Variants in CLIC5 observed in about 807,000 individuals in gnomAD.
CLIC5 encodes the protein CLIC family member 5, also known as chloride intracellular channel protein 5.
A neutral mutation model predicts 24.7 loss-of-function variants in CLIC5; 20 were observed. That is an observed-to-expected ratio of 0.81 (90% CI 0.57 to 1.18). The LOEUF is 1.18. Among genes scored for constraint, CLIC5 ranks in the 50% most tolerant of loss-of-function variants. The pLI, the probability that CLIC5 is intolerant of heterozygous loss-of-function variation, is 0.00. For missense variants in CLIC5, 341 were observed against 326.1 expected (o/e 1.05, Z -0.35); for synonymous variants, 159 against 135.6 (o/e 1.17, Z -1.20).
At chr6:45,996,989 C>A (rs1766167090) in intron 1 of CLIC5, among the ~76,000 whole-genome samples, 4 of 152,194 alleles carry the variant, frequency 2.6e-5, no homozygotes, top group Admixed American at 6.5e-5. Context: ...TTTGACCCAG[C>A]CATCCCATTA....
In CLIC5 at chr6:45,936,455, T is replaced by C. The variant is rs373240589; in HGVS notation, c.406+5092A>G. 3.3e-5 allele frequency among the ~76,000 whole-genome samples: 5 copies of C among 152,212 alleles called. No homozygotes were observed. In the East Asian group the frequency reaches 9.7e-4, roughly 30 times the overall value. ...CCCAACCTCCGGTCATCTGCCTGCC[T>C]TGGCCTCCCAAAGTGCTGGGATTAC... On this transcript the variant is annotated intron_variant, in intron 4 of 5. Transcript: ENST00000339561.
chr6:45,975,897 C>T (rs1292740868), intron 1 of CLIC5, among the ~76,000 whole-genome samples: 1 of 152,106 alleles, frequency 6.6e-6, no homozygotes, highest in East Asian at 1.9e-4. Context: ...GCCTATTTCT[C>T]TATGTTATAT....
chr6:46,118,502 G>A, the CLIC5 span, among the ~76,000 whole-genome samples: 3 of 152,132 alleles, frequency 2.0e-5, no homozygotes, highest in Non-Finnish European at 2.9e-5. Flanking sequence ...ACATATAGAC[G>A]CCTTTCTCCC....
the CLIC5 span, among the ~76,000 whole-genome samples, chr6:46,105,375 G>A: frequency 6.6e-6 from 1 of 152,084 alleles, no homozygotes; most frequent in African/African-American, 2.4e-5. Flanking sequence ...CAATATTCAA[G>A]CTATATATAC....
At chr6:46,108,424 T>C in the CLIC5 span, among the ~76,000 whole-genome samples, 2 of 143,360 alleles carry the variant, frequency 1.4e-5, no homozygotes, top group African/African-American at 2.6e-5. Flanking sequence ...GAGATGGAGT[T>C]TCATTCTTGT....
At chr6:46,079,659 A>T in intron 1 of CLIC5, 9 of 1,475,272 alleles carry the variant, frequency 6.1e-6, no homozygotes, top group Non-Finnish European at 8.2e-6. Context: ...CACCAGCCAT[A>T]ATATCTGCAT....
the CLIC5 span, among the ~76,000 whole-genome samples, chr6:46,089,335 T>G: frequency 6.6e-6 from 1 of 152,100 alleles, no homozygotes; most frequent in African/African-American, 2.4e-5. Flanking sequence ...CTTATGCAGG[T>G]GACCTTGGGC....
rs1238686058 is a variant in CLIC5 at position 45,902,386 on chromosome 6, T to C, written c.*702A>G. 1.3e-5 allele frequency: 2 copies of C among 152,850 alleles called. No individual in the cohort carries two copies. The highest frequency in any genetic ancestry group is 4.8e-5 in the African/African-American group (2 of 41,442). The allele number at this position is 152,850 out of a possible 1,614,324, so 9.5% of individuals were successfully genotyped here. ...ACTGCAGTTTAGAATTGCATGCCAA[T>C]TTCCTTTTCTGGCAGGGCCTGGACG... On this transcript the variant is annotated 3_prime_UTR_variant, in exon 6 of 6. Coordinates refer to ENST00000339561, the MANE Select transcript of CLIC5 (RefSeq NM_016929.5).
intron 1 of CLIC5, among the ~76,000 whole-genome samples, chr6:46,029,057 A>C (rs1054872425): frequency 6.6e-6 from 1 of 152,138 alleles, no homozygotes; most frequent in Non-Finnish European, 1.5e-5. Flanking sequence ...TGTAGTTGAA[A>C]TCCTACAGAA....
intron 1 of CLIC5, among the ~76,000 whole-genome samples, chr6:45,988,865 T>A (rs1302840571): frequency 4.6e-5 from 7 of 152,168 alleles, no homozygotes; most frequent in Non-Finnish European, 1.5e-5. Context: ...CTCCGACCTC[T>A]GGCAGGCTCA....
chr6:46,024,450 TAA>T (rs1442974478), intron 1 of CLIC5, among the ~76,000 whole-genome samples: 1 of 152,132 alleles, frequency 6.6e-6, no homozygotes, highest in Non-Finnish European at 1.5e-5. Flanking sequence ...GCTGGACTTA[TAA>T]AGAGACTAGG....
intron 1 of CLIC5, among the ~76,000 whole-genome samples, chr6:45,970,267 CT>C (rs1765155008): frequency 6.6e-6 from 1 of 151,730 alleles, no homozygotes; most frequent in Non-Finnish European, 1.5e-5. Context: ...ATTATATCTT[CT>C]GCTTTAGAAG....
intron 3 of CLIC5, among the ~76,000 whole-genome samples, chr6:45,947,164 G>A (rs766406313): frequency 4.6e-5 from 7 of 152,210 alleles, no homozygotes; most frequent in African/African-American, 7.2e-5. Context: ...GTTCAAGGAC[G>A]CATGGGGCAT....
chr6:45,942,126 G>A (rs190960560), intron 3 of CLIC5, among the ~76,000 whole-genome samples: 2 of 152,284 alleles, frequency 1.3e-5, no homozygotes, highest in East Asian at 3.9e-4. Context: ...AGGTATGTTA[G>A]CATTAAACCA....
intron 1 of CLIC5, among the ~76,000 whole-genome samples, chr6:45,957,338 G>A (rs1386164781): frequency 1.3e-5 from 2 of 152,176 alleles, no homozygotes; most frequent in African/African-American, 4.8e-5. Flanking sequence ...TGAGAAGCCT[G>A]TGAAGTGGGA....
chr6:46,113,121 A>T, the CLIC5 span, among the ~76,000 whole-genome samples: 1 of 152,210 alleles, frequency 6.6e-6, no homozygotes, highest in Non-Finnish European at 1.5e-5. Context: ...TGAGATTGTG[A>T]GTTGGAGGGA....
At chr6:45,970,004 C>T (rs1765145337) in intron 1 of CLIC5, among the ~76,000 whole-genome samples, 1 of 152,086 alleles carries the variant, frequency 6.6e-6, no homozygotes, top group Non-Finnish European at 1.5e-5. Flanking sequence ...GGGCGCAGTG[C>T]CTGGCAGAAA....
At chr6:46,110,761 C>T in the CLIC5 span, among the ~76,000 whole-genome samples, 44 of 152,286 alleles carry the variant, frequency 2.9e-4, no homozygotes, top group Admixed American at 2.2e-3. Flanking sequence ...TGTTGGCAAA[C>T]TCTTGGCTTG....
intron 1 of CLIC5, among the ~76,000 whole-genome samples, chr6:45,978,091 G>T (rs1409260322): frequency 2.6e-5 from 4 of 152,194 alleles, no homozygotes; most frequent in South Asian, 4.1e-4. Flanking sequence ...GCTTCAGTTT[G>T]CTCCTCAGTA....
Sources: allele counts gnomAD v4.1 joint callset (sites outside exome capture counted in the v4.1 genomes callset), GRCh38; gene constraint gnomAD v4.1.1; transcripts MANE v1.5; gene names NCBI Gene and HGNC (gene_info 2026-07-23, HGNC 2026-07-21).